Variants in RELL1 observed in about 807,000 individuals in gnomAD.
RELL1 encodes the protein RELT like 1.
A neutral mutation model predicts 23.0 loss-of-function variants in RELL1; 10 were observed. The observed-to-expected ratio is 0.43, with a 90% CI of 0.27 to 0.74. The LOEUF (loss-of-function observed/expected upper bound fraction) is 0.74, where lower values mean the gene tolerates loss of function less well. Ranked by LOEUF, RELL1 falls within the 30% of genes least tolerant of loss-of-function variation. The pLI is 0.19. For synonymous variants in RELL1, 146 were observed against 146.8 expected, an observed-to-expected ratio of 0.99 and a Z score of 0.04; for missense variants, 315 against 364.4, an observed-to-expected ratio of 0.86 and a Z score of 1.10.
intron 1 of RELL1, among the ~76,000 whole-genome samples, chr4:37,673,984 CTTTGCTCAGCACACCATTCCAT>C (rs1721932012): frequency 6.6e-6 from 1 of 152,180 alleles, no homozygotes; most frequent in Admixed American, 6.5e-5. Context: ...AGGCTGTTTC[CTTTGCTCAGCACACCATTCCAT>C]ACACTCCCTT....
chr4:37,645,462 T>C (rs1720677756), intron 3 of RELL1, among the ~76,000 whole-genome samples: 1 of 152,232 alleles, frequency 6.6e-6, no homozygotes, highest in Admixed American at 6.5e-5. Context: ...TACTGTGCCC[T>C]GAAGGAAGGT....
At chr4:37,595,990 T>C (rs1425699874) in intron 6 of RELL1, among the ~76,000 whole-genome samples, 1 of 152,064 alleles carries the variant, frequency 6.6e-6, no homozygotes, top group Non-Finnish European at 1.5e-5. Flanking sequence ...CTCCTAGTGA[T>C]GGGGGAAAAA....
At chr4:37,590,464 C>T (rs149005579), downstream of RELL1, 1 of 1,610,720 alleles carries the variant, frequency 6.2e-7, no homozygotes, top group African/African-American at 1.3e-5. Flanking sequence ...TCAACCCTTC[C>T]TGGAAGGAGG....
chr4:37,604,866 G>GACACAC lies in RELL1; in HGVS notation c.*4-13655_*4-13650dup, dbSNP rs752355951. ...ACACACACACAGACACACACACACA[G>GACACAC]ACACACACACACATACACACAGACA... On this transcript the variant is annotated intron_variant, in intron 6 of 6. Coordinates refer to the RELL1 transcript ENST00000314117. Among the ~76,000 whole-genome samples the GACACAC allele has an allele frequency of 4.9e-4, 28 of 56,862 alleles. 3 individuals are homozygous for GACACAC. The highest frequency in any genetic ancestry group is 1.3e-3 in the African/African-American group (26 of 19,628). The allele number at this position is 56,862 out of a possible 152,430, so 37.3% of individuals were successfully genotyped here.
At chr4:37,596,599 T>C (rs1291633983) in intron 6 of RELL1, among the ~76,000 whole-genome samples, 1 of 150,392 alleles carries the variant, frequency 6.6e-6, no homozygotes, top group Non-Finnish European at 1.5e-5. Flanking sequence ...AGAGCATTAA[T>C]ATTTTTTTCA....
At chr4:37,671,674 G>C (rs564940726) in intron 1 of RELL1, among the ~76,000 whole-genome samples, 1 of 152,122 alleles carries the variant, frequency 6.6e-6, no homozygotes, top group Non-Finnish European at 1.5e-5. Context: ...CCCCTTGTTC[G>C]GCGTATAATC....
intron 1 of RELL1, among the ~76,000 whole-genome samples, chr4:37,652,121 G>A (rs1038522693): frequency 3.9e-5 from 6 of 152,124 alleles, no homozygotes; most frequent in South Asian, 4.1e-4. Context: ...AAATGAGCAC[G>A]GTTCATCACA....
At chr4:37,666,111 C>T (rs1159497767) in intron 1 of RELL1, among the ~76,000 whole-genome samples, 5 of 152,216 alleles carry the variant, frequency 3.3e-5, no homozygotes, top group African/African-American at 1.2e-4. Flanking sequence ...TGCTAACAGC[C>T]ACTAACCTTT....
downstream of RELL1, among the ~76,000 whole-genome samples, chr4:37,605,799 GAAAGAA>G (rs1560324665): frequency 4.9e-3 from 441 of 89,108 alleles, 9 homozygotes; most frequent in African/African-American, 0.014. Context: ...GAAAGAGAAA[GAAAGAA>G]AGAAAGAAAG....
At chr4:37,588,646 T>G, downstream of RELL1, 1 of 532,150 alleles carries the variant, frequency 1.9e-6, no homozygotes. Flanking sequence ...CAGTGAACGT[T>G]TGAGAACTCT....
chr4:37,679,515 T>G (rs1181802728), intron 1 of RELL1, among the ~76,000 whole-genome samples: 1 of 152,132 alleles, frequency 6.6e-6, no homozygotes, highest in Non-Finnish European at 1.5e-5. Context: ...AACCTGGAAG[T>G]CAGATGTGCT....
At chr4:37,668,718 T>C (rs1721637113) in intron 1 of RELL1, among the ~76,000 whole-genome samples, 1 of 142,266 alleles carries the variant, frequency 7.0e-6, no homozygotes, top group African/African-American at 2.8e-5. Flanking sequence ...GGCTGCCCAG[T>C]CTGGAAAGTG....
chr4:37,616,717 G>A (rs1320825465), intron 6 of RELL1, among the ~76,000 whole-genome samples: 1 of 152,204 alleles, frequency 6.6e-6, no homozygotes, highest in Non-Finnish European at 1.5e-5. Flanking sequence ...CTACATGACA[G>A]CAATATTAAC....
chr4:37,604,037 G>T (rs1342753118), intron 6 of RELL1, among the ~76,000 whole-genome samples: 1 of 152,120 alleles, frequency 6.6e-6, no homozygotes, highest in Non-Finnish European at 1.5e-5. Flanking sequence ...GCCCAGGCTG[G>T]TCTCAAACTC....
downstream of RELL1, chr4:37,590,460 C>G: frequency 6.2e-7 from 1 of 1,610,880 alleles, no homozygotes; most frequent in Non-Finnish European, 8.5e-7. Context: ...CAACTCAACC[C>G]TTCCTGGAAG....
chr4:37,599,708 G>A (rs1376082534), intron 6 of RELL1, among the ~76,000 whole-genome samples: 2 of 152,134 alleles, frequency 1.3e-5, no homozygotes, highest in Non-Finnish European at 2.9e-5. Context: ...AGCTTTATCT[G>A]TAAAATCTCT....
At chr4:37,658,956 CCAAT>C (rs150199174) in intron 1 of RELL1, among the ~76,000 whole-genome samples, 5,529 of 152,282 alleles carry the variant, frequency 0.036, 108 homozygotes, top group Non-Finnish European at 0.051. Flanking sequence ...GCCCTTATCA[CCAAT>C]CAATCTCCCT....
intron 1 of RELL1, among the ~76,000 whole-genome samples, chr4:37,678,180 A>T (rs1488444114): frequency 1.3e-5 from 2 of 152,080 alleles, no homozygotes; most frequent in East Asian, 3.9e-4. Context: ...GGGGGGAGGT[A>T]CCACACACTT....
intron 1 of RELL1, among the ~76,000 whole-genome samples, chr4:37,667,972 GTGA>G (rs1721595047): frequency 1.3e-5 from 2 of 150,146 alleles, no homozygotes; most frequent in Non-Finnish European, 3.0e-5. Context: ...AAAATGTTAA[GTGA>G]AAAAAAAACA....
Sources: gnomAD v4.1 joint callset for allele counts (sites outside exome capture counted in the v4.1 genomes callset) on GRCh38, gnomAD v4.1.1 for gene constraint, MANE v1.5 for transcripts, NCBI Gene and HGNC (gene_info 2026-07-23, HGNC 2026-07-21) for gene names.